Variants in ZWILCH observed in about 807,000 individuals in gnomAD.
ZWILCH encodes protein zwilch homolog.
In ZWILCH, 74 loss-of-function variants were observed where a neutral mutation model predicts 79.9. The observed-to-expected ratio is 0.93, with a 90% confidence interval of 0.77 to 1.12. ZWILCH has a LOEUF of 1.12. Among genes scored for constraint, ZWILCH ranks in the 50% most tolerant of loss-of-function variants. The pLI, the probability that ZWILCH is intolerant of heterozygous loss-of-function variation, is 0.00. For missense variants in ZWILCH, 694 were observed against 687.5 expected (o/e 1.01, Z -0.11); for synonymous variants, 241 against 228.2 (o/e 1.06, Z -0.51).
At chr15:66,507,399 A>G (rs762201487) in intron 1 of ZWILCH, among the ~76,000 whole-genome samples, 2 of 152,138 alleles carry the variant, frequency 1.3e-5, no homozygotes, top group Non-Finnish European at 2.9e-5. Flanking sequence ...CATTCAGGCC[A>G]TTATCAGTTC....
intron 14 of ZWILCH, 42 bp downstream of exon 14, chr15:66,533,055 T>C: frequency 1.4e-6 from 2 of 1,433,386 alleles, no homozygotes; most frequent in South Asian, 1.3e-5. Context: ...TTTCTTTTAT[T>C]CAGTCATTCT....
At chr15:66,529,614 A>C (rs757902102) in intron 12 of ZWILCH, 41 bp downstream of exon 12, 9 of 1,480,114 alleles carry the variant, frequency 6.1e-6, no homozygotes, top group Non-Finnish European at 6.6e-6. Flanking sequence ...TCTCAGCAGC[A>C]TAGCATGATG....
At chr15:66,535,042 C>CT (rs1008832190) in intron 14 of ZWILCH, among the ~76,000 whole-genome samples, 30 of 148,702 alleles carry the variant, frequency 2.0e-4, no homozygotes, top group Non-Finnish European at 3.4e-4. Context: ...CTATTTTTAA[C>CT]TTTTTTTTTT....
intron 5 of ZWILCH, among the ~76,000 whole-genome samples, chr15:66,519,636 A>G (rs1894418887): frequency 6.6e-6 from 1 of 151,750 alleles, no homozygotes; most frequent in Non-Finnish European, 1.5e-5. Flanking sequence ...TTGTATTTTT[A>G]ATAGAGACGG....
intron 2 of ZWILCH, among the ~76,000 whole-genome samples, chr15:66,511,845 C>A (rs1405535288): frequency 1.3e-5 from 2 of 152,030 alleles, no homozygotes; most frequent in Non-Finnish European, 2.9e-5. Context: ...AAACTCCTGA[C>A]CTCAGGTGAT....
chr15:66,511,728 G>C (rs1894074156), intron 2 of ZWILCH, among the ~76,000 whole-genome samples: 1 of 151,986 alleles, frequency 6.6e-6, no homozygotes. Context: ...TGATTCTTCT[G>C]CTTCAGCCTC....
chr15:66,549,391 T>G lies in ZWILCH; in HGVS notation c.*1067T>G, dbSNP rs1429245231. 6.6e-6 allele frequency: 1 copy of G among 152,256 alleles called. No individual in the cohort carries two copies. The highest frequency in any genetic ancestry group is 2.4e-5 in the African/African-American group (1 of 41,470). The allele number at this position is 152,256 out of a possible 1,614,324, so 9.4% of individuals were successfully genotyped here. On this transcript the variant is annotated 3_prime_UTR_variant, in exon 19 of 19. Transcript: ENST00000307897. Reference sequence around the variant, plus strand: ...AAGATTTGGTCTCGCACCTTCCATCTTTGCTACCACATTAAAGATGAGCTT... The same window carrying G: ...AAGATTTGGTCTCGCACCTTCCATCGTTGCTACCACATTAAAGATGAGCTT...
intron 17 of ZWILCH, among the ~76,000 whole-genome samples, chr15:66,545,667 A>G (rs557927289): frequency 6.6e-6 from 1 of 152,336 alleles, no homozygotes; most frequent in African/African-American, 2.4e-5. Flanking sequence ...AACCTCTTGT[A>G]GCCATCATAT....
chr15:66,534,549 G>A (rs1894952061), intron 14 of ZWILCH, among the ~76,000 whole-genome samples: 1 of 152,106 alleles, frequency 6.6e-6, no homozygotes, highest in Non-Finnish European at 1.5e-5. Flanking sequence ...AACTTAGATG[G>A]TATAACCTAC....
chr15:66,546,479 A>T (rs1273953834), intron 17 of ZWILCH, 112 bp from the exon 18 acceptor site: 1 of 516,170 alleles, frequency 1.9e-6, no homozygotes, highest in East Asian at 3.2e-5. Context: ...TAGAAGACAC[A>T]TTGCCATTTA....
At chr15:66,507,938 CAAA>C (rs34334763) in intron 1 of ZWILCH, among the ~76,000 whole-genome samples, 6 of 97,654 alleles carry the variant, frequency 6.1e-5, no homozygotes, top group Admixed American at 1.1e-4. Flanking sequence ...GACTGCATCT[CAAA>C]AAAAAAAAAA....
chr15:66,525,207 G>A (rs12911848), intron 8 of ZWILCH, among the ~76,000 whole-genome samples: 55,779 of 151,954 alleles, frequency 0.37, 10,775 homozygotes, highest in Admixed American at 0.44. Context: ...TCACCACTAC[G>A]TACTACTATA....
intron 12 of ZWILCH, among the ~76,000 whole-genome samples, chr15:66,532,016 G>A (rs775858157): frequency 2.6e-5 from 4 of 152,044 alleles, no homozygotes; most frequent in Non-Finnish European, 4.4e-5. Flanking sequence ...GCTGTGAGCC[G>A]AGATCGTGCC....
intron 14 of ZWILCH, among the ~76,000 whole-genome samples, chr15:66,535,567 T>C (rs1373196284): frequency 1.3e-5 from 2 of 151,504 alleles, no homozygotes; most frequent in Non-Finnish European, 2.9e-5. Flanking sequence ...TCCCAGCTAC[T>C]CAGGAGGCTA....
chr15:66,546,686 C>G lies in ZWILCH; in HGVS notation c.*7C>G. 1 of 1,591,038 alleles carries G rather than the reference C, an allele frequency of 6.3e-7. No homozygotes were observed. The highest frequency in any genetic ancestry group is 8.6e-7 in the Non-Finnish European group (1 of 1,165,956). ...CCAGGTGCATTTCAAGTGAAGTGTG[C>G]TGATGAAGTCCTCTATAAGGTATTT... On this transcript the variant is annotated 3_prime_UTR_variant, in exon 18 of 19. Coordinates refer to ENST00000307897, the MANE Select transcript of ZWILCH (RefSeq NM_017975.5).
Position 66,533,269 on chromosome 15 carries a change from C to T in ZWILCH, c.1341+256C>T, listed in dbSNP as rs192071846. On this transcript the variant is annotated intron_variant, in intron 14 of 18. Transcript: ENST00000307897. Reference sequence around the variant, plus strand: ...CTACTGAAGCCAGTGTACTATCACACATCTCATCTATCCAGAATGCTTAGG... The same window carrying T: ...CTACTGAAGCCAGTGTACTATCACATATCTCATCTATCCAGAATGCTTAGG... Among the ~76,000 whole-genome samples, 30 of 152,314 alleles carry T rather than the reference C, an allele frequency of 2.0e-4. No individual in the cohort carries two copies. In the East Asian group the frequency reaches 5.4e-3, roughly 27 times the overall value.
intron 17 of ZWILCH, among the ~76,000 whole-genome samples, chr15:66,544,724 T>TTTTGTGTGTGTGTGTGTG (rs145952622): frequency 3.1e-4 from 40 of 128,542 alleles, no homozygotes; most frequent in African/African-American, 5.2e-4. Context: ...TTTTTGGTTT[T>TTTTGTGTGTGTGTGTGTG]TGTGTGTGTG....
chr15:66,513,257 C>T (rs1894135612), intron 2 of ZWILCH, among the ~76,000 whole-genome samples: 1 of 151,902 alleles, frequency 6.6e-6, no homozygotes, highest in African/African-American at 2.4e-5. Context: ...AATAAACTTC[C>T]AGTTGGAATG....
intron 8 of ZWILCH, among the ~76,000 whole-genome samples, chr15:66,524,985 G>A (rs988724555): frequency 6.6e-6 from 1 of 152,120 alleles, no homozygotes. Flanking sequence ...TCTTTAAGCT[G>A]ATAGCACTTC....
Sources: allele counts gnomAD v4.1 joint callset (sites outside exome capture counted in the v4.1 genomes callset), GRCh38; gene constraint gnomAD v4.1.1; transcripts MANE v1.5; gene names NCBI Gene and HGNC (gene_info 2026-07-23, HGNC 2026-07-21).